Variants in DNAJC1 observed in about 807,000 individuals in gnomAD.
DNAJC1 encodes the protein dnaJ homolog subfamily C member 1.
In DNAJC1, 58 loss-of-function variants were observed where a neutral mutation model predicts 76.6. That is an observed-to-expected ratio of 0.76 (90% confidence interval 0.61 to 0.94). The LOEUF (loss-of-function observed/expected upper bound fraction) is 0.94, where lower values mean the gene tolerates loss of function less well. DNAJC1 is among the 40% of genes least tolerant of loss of function. The pLI is 0.00. For synonymous variants in DNAJC1, 258 were observed against 267.9 expected (o/e 0.96, Z 0.36); for missense variants, 689 against 677.3 (o/e 1.02, Z -0.19).
chr10:21,953,346 C>T (rs1837627573), intron 1 of DNAJC1, among the ~76,000 whole-genome samples: 1 of 151,810 alleles, frequency 6.6e-6, no homozygotes, highest in Non-Finnish European at 1.5e-5. Context: ...ATATGCAAAT[C>T]ATTTATACTA....
intron 8 of DNAJC1, among the ~76,000 whole-genome samples, chr10:21,859,725 A>C (rs143573611): frequency 2.2e-3 from 335 of 152,280 alleles, no homozygotes; most frequent in Non-Finnish European, 3.7e-3. Context: ...TTAGATTATA[A>C]ATACTGGACA....
intron 8 of DNAJC1, among the ~76,000 whole-genome samples, chr10:21,861,848 C>T (rs1835919810): frequency 6.6e-6 from 1 of 152,168 alleles, no homozygotes; most frequent in Non-Finnish European, 1.5e-5. Context: ...AATGAGCAAC[C>T]AGCAGCCCTT....
At chr10:21,770,466 C>T (rs1206281465) in intron 9 of DNAJC1, among the ~76,000 whole-genome samples, 9 of 145,004 alleles carry the variant, frequency 6.2e-5, no homozygotes, top group Non-Finnish European at 1.2e-4. Flanking sequence ...GGCACGATCT[C>T]GACTCACTGC....
At chr10:21,888,178 C>A (rs1478868099) in intron 7 of DNAJC1, among the ~76,000 whole-genome samples, 2 of 152,110 alleles carry the variant, frequency 1.3e-5, no homozygotes, top group Non-Finnish European at 1.5e-5. Context: ...ATCAAAACCA[C>A]AATGAGATAC....
At chr10:21,861,075 T>C (rs1835911201) in intron 8 of DNAJC1, among the ~76,000 whole-genome samples, 1 of 152,162 alleles carries the variant, frequency 6.6e-6, no homozygotes, top group Admixed American at 6.5e-5. Flanking sequence ...TAAGGTCACA[T>C]TCTAAGGTAA....
chr10:21,981,766 T>A (rs1169528586), intron 1 of DNAJC1, among the ~76,000 whole-genome samples: 1 of 152,214 alleles, frequency 6.6e-6, no homozygotes, highest in East Asian at 1.9e-4. Context: ...TAACAAAGAC[T>A]GTCTCCTTGA....
intron 8 of DNAJC1, chr10:21,865,999 GTGGCGCA>G (rs1350939979): frequency 6.6e-6 from 1 of 152,002 alleles, no homozygotes; most frequent in Non-Finnish European, 1.5e-5. Flanking sequence ...GCTGGGTGTG[GTGGCGCA>G]TGCCTGTAGT....
At chr10:21,969,105 T>A (rs1023913256) in intron 1 of DNAJC1, among the ~76,000 whole-genome samples, 1 of 151,136 alleles carries the variant, frequency 6.6e-6, no homozygotes, top group African/African-American at 2.4e-5. Flanking sequence ...ATGCCTGTAA[T>A]CCCAGCTACT....
chr10:21,869,052 G>C (rs553241054), intron 8 of DNAJC1, among the ~76,000 whole-genome samples: 1 of 151,790 alleles, frequency 6.6e-6, no homozygotes, highest in African/African-American at 2.4e-5. Flanking sequence ...GCCCTACAAA[G>C]CCGTCTCTTG....
chr10:21,775,402 C>T (rs1489447934), intron 9 of DNAJC1, among the ~76,000 whole-genome samples: 1 of 138,060 alleles, frequency 7.2e-6, no homozygotes, highest in Non-Finnish European at 1.5e-5. Flanking sequence ...GAGCCATATC[C>T]ATGGCAGATG....
chr10:21,786,456 A>AGAGG (rs1834610623), intron 9 of DNAJC1, among the ~76,000 whole-genome samples: 1 of 115,874 alleles, frequency 8.6e-6, no homozygotes, highest in Non-Finnish European at 1.8e-5. Flanking sequence ...ATATATATAT[A>AGAGG]TATATATAGA....
At chr10:21,837,747 C>G (rs1835489817) in intron 8 of DNAJC1, among the ~76,000 whole-genome samples, 1 of 151,070 alleles carries the variant, frequency 6.6e-6, no homozygotes. Flanking sequence ...AGGAGCCCCT[C>G]TGCCCGGCAG....
chr10:21,960,013 C>A (rs955867148), intron 1 of DNAJC1, among the ~76,000 whole-genome samples: 1 of 152,118 alleles, frequency 6.6e-6, no homozygotes, highest in Admixed American at 6.6e-5. Context: ...TTACCATTAC[C>A]ACAATGGGCC....
intron 9 of DNAJC1, among the ~76,000 whole-genome samples, chr10:21,783,141 T>G (rs1834555186): frequency 6.6e-6 from 1 of 152,184 alleles, no homozygotes; most frequent in South Asian, 2.1e-4. Context: ...TGATTGTATA[T>G]TTAGAAAACC....
At chr10:21,935,505 CAA>C (rs1192505865) in intron 1 of DNAJC1, among the ~76,000 whole-genome samples, 2 of 151,718 alleles carry the variant, frequency 1.3e-5, no homozygotes, top group Admixed American at 1.3e-4. Context: ...TTAAAAGTAC[CAA>C]CAAACACATA....
At chr10:21,814,107 T>C (rs1468054588) in intron 8 of DNAJC1, among the ~76,000 whole-genome samples, 1 of 152,164 alleles carries the variant, frequency 6.6e-6, no homozygotes, top group African/African-American at 2.4e-5. Context: ...GAGGGCCTTG[T>C]AGAGATTTGC....
chr10:21,965,604 T>A (rs1420205558), intron 1 of DNAJC1, among the ~76,000 whole-genome samples: 1 of 152,142 alleles, frequency 6.6e-6, no homozygotes, highest in Admixed American at 6.5e-5. Context: ...TGTCCAGATA[T>A]CCTGATATCT....
chr10:22,001,168 G>A (rs1331344771), intron 1 of DNAJC1, among the ~76,000 whole-genome samples: 1 of 152,190 alleles, frequency 6.6e-6, no homozygotes, highest in Non-Finnish European at 1.5e-5. Flanking sequence ...TGAACAAGAA[G>A]AGATTAGTGC....
chr10:21,970,582 T>C (rs1352954732), intron 1 of DNAJC1, among the ~76,000 whole-genome samples: 4 of 152,004 alleles, frequency 2.6e-5, no homozygotes, highest in African/African-American at 9.7e-5. Context: ...CTATAATGAA[T>C]GTTTTCCTTT....
Sources: gnomAD v4.1 joint callset for allele counts (sites outside exome capture counted in the v4.1 genomes callset) on GRCh38, gnomAD v4.1.1 for gene constraint, MANE v1.5 for transcripts, NCBI Gene and HGNC (gene_info 2026-07-23, HGNC 2026-07-21) for gene names.